The following C2orf78 variants were observed in gnomAD, a reference collection of about 807,000 sequenced individuals.
C2orf78 encodes the protein chromosome 2 open reading frame 78, also known as uncharacterized protein C2orf78.
Under a neutral mutation model 21.4 loss-of-function variants are expected in C2orf78, and 12 were observed. The ratio of observed to expected loss-of-function variants is 0.56; its 90% CI spans 0.36 to 0.91. The LOEUF (loss-of-function observed/expected upper bound fraction) is 0.91. Among genes scored for constraint, C2orf78 ranks in the 40% least tolerant of loss-of-function variants. The pLI is 0.01. For synonymous variants in C2orf78, 396 were observed against 413.9 expected (o/e 0.96, Z 0.52); for missense variants, 1,042 against 1,092.4 (o/e 0.95, Z 0.65).
chr2:73,817,070 A>G, exon 3 of C2orf78: 1 of 1,362,258 alleles, frequency 7.3e-7, no homozygotes, highest in Non-Finnish European at 9.7e-7. Flanking sequence ...ATTTATTCTG[A>G]TATATTTTTA....
intron 1 of C2orf78, among the ~76,000 whole-genome samples, chr2:73,809,132 A>G: frequency 6.6e-6 from 1 of 152,150 alleles, no homozygotes; most frequent in East Asian, 1.9e-4. Context: ...AGGATAATAG[A>G]CTGGTTATTC....
chr2:73,815,938 AG>A lies in C2orf78; in HGVS notation c.1716del (p.Thr573ProfsTer24), dbSNP rs750042373. Reference sequence around the variant, plus strand: ...AAAACTAAGAGCCATGGGCAGGAAAAGACCAAAGGGAACAGAAAGAACAGCT... The same window carrying A: ...AAAACTAAGAGCCATGGGCAGGAAAAACCAAAGGGAACAGAAAGAACAGCT... On this transcript the variant is annotated frameshift_variant, in exon 3 of 3. Transcript: ENST00000409561. LOFTEE classifies it low-confidence loss of function (END_TRUNC). 1 of 1,613,840 alleles carries A rather than the reference AG, an allele frequency of 6.2e-7. No homozygotes were observed. Among genetic ancestry groups the A allele is most frequent in the Non-Finnish European group, 8.5e-7 (1 of 1,179,814 alleles).
intron 1 of C2orf78, among the ~76,000 whole-genome samples, chr2:73,807,397 T>C (rs2103973077): frequency 4.4e-5 from 1 of 22,524 alleles, no homozygotes; most frequent in Admixed American, 4.5e-4. Context: ...GATTCTATAG[T>C]GGCTGTTTGC....
At chr2:73,812,547 T>G (rs1673110756) in intron 1 of C2orf78, among the ~76,000 whole-genome samples, 1 of 152,120 alleles carries the variant, frequency 6.6e-6, no homozygotes, top group African/African-American at 2.4e-5. Context: ...ACACCTGTAA[T>G]CCCAGCACTT....
chr2:73,785,799 C>G (rs1297819350), intron 1 of C2orf78, among the ~76,000 whole-genome samples: 1 of 152,000 alleles, frequency 6.6e-6, no homozygotes, highest in Admixed American at 6.6e-5. Context: ...GTAATCCCAG[C>G]ACTTTGGGAG....
exon 3 of C2orf78, chr2:73,816,954 G>C: frequency 1.2e-6 from 2 of 1,611,094 alleles, no homozygotes; most frequent in Non-Finnish European, 1.7e-6. Flanking sequence ...AAGGGAAAGA[G>C]ATATGGAAAT....
At chr2:73,812,068 TAC>T (rs1302029755) in intron 1 of C2orf78, among the ~76,000 whole-genome samples, 4 of 152,208 alleles carry the variant, frequency 2.6e-5, no homozygotes, top group Admixed American at 2.0e-4. Context: ...TTTTTGCTGA[TAC>T]AGTTTGTCTA....
At chr2:73,816,311 T>C (rs1673196191) in exon 3 of C2orf78, 3 of 1,613,756 alleles carry the variant, frequency 1.9e-6, no homozygotes, top group Non-Finnish European at 2.5e-6. Flanking sequence ...AACTAGATGG[T>C]AGTGCTGAAA....
At chr2:73,814,279 G>A in intron 2 of C2orf78, 53 bp downstream of exon 2, 2 of 1,504,256 alleles carry the variant, frequency 1.3e-6, no homozygotes, top group Non-Finnish European at 1.8e-6. Context: ...TGAAAAGGAG[G>A]GTCAAATCTG....
chr2:73,816,484 C>G, exon 3 of C2orf78: 1 of 1,613,984 alleles, frequency 6.2e-7, no homozygotes, highest in Middle Eastern at 1.6e-4. Flanking sequence ...CCTGCTCGAC[C>G]TGATTCTACT....
At chr2:73,815,696 C>T (rs1482111807) in exon 3 of C2orf78, 1 of 1,613,776 alleles carries the variant, frequency 6.2e-7, no homozygotes, top group Non-Finnish European at 8.5e-7. Flanking sequence ...AGTCATGTGT[C>T]ATAAAGGGTC....
exon 2 of C2orf78, chr2:73,813,763 G>A (rs376549484): frequency 6.2e-7 from 1 of 1,614,058 alleles, no homozygotes; most frequent in Non-Finnish European, 8.5e-7. Flanking sequence ...GCGTTTTTGA[G>A]TGGGATAGTA....
chr2:73,785,877 C>T (rs113465335), intron 1 of C2orf78, among the ~76,000 whole-genome samples: 1,876 of 151,728 alleles, frequency 0.012, 27 homozygotes, highest in East Asian at 0.044. Context: ...AGAAACCCCA[C>T]CTCTACTAAA....
exon 3 of C2orf78, chr2:73,816,057 C>A: frequency 6.2e-7 from 1 of 1,613,876 alleles, no homozygotes. Flanking sequence ...GAAAAATCAA[C>A]CTGAGCTTAG....
chr2:73,815,297 G>A (rs745978142), exon 3 of C2orf78: 47 of 1,613,874 alleles, frequency 2.9e-5, no homozygotes, highest in Non-Finnish European at 4.0e-5. Context: ...AAAAAAATGA[G>A]AATGAGAATT....
At chr2:73,810,252 C>T (rs1230481965) in intron 1 of C2orf78, among the ~76,000 whole-genome samples, 7 of 151,918 alleles carry the variant, frequency 4.6e-5, no homozygotes, top group South Asian at 2.1e-4. Context: ...CTTTAGAGGC[C>T]GGGCAGGATG....
At chr2:73,797,918 G>A (rs1211273980) in intron 1 of C2orf78, among the ~76,000 whole-genome samples, 2 of 28,128 alleles carry the variant, frequency 7.1e-5, no homozygotes, top group African/African-American at 1.6e-4. Flanking sequence ...GAATATTCAC[G>A]AATGTAAAAA....
In C2orf78 at chr2:73,784,692, C is replaced by T. The variant is rs866558433; in HGVS notation, c.97+286C>T. On this transcript the variant is annotated intron_variant, in intron 1 of 2. Coordinates refer to ENST00000409561, the Ensembl canonical transcript of C2orf78. ...CTAATACTGAGTCTTAAAGGGTATA[C>T]GTATAGAAAATGAAATCAGAGACTT... 3.2e-3 allele frequency among the ~76,000 whole-genome samples: 475 copies of T among 150,168 alleles called. 2 individuals are homozygous for T. Among genetic ancestry groups the T allele is most frequent in the South Asian group, 0.015 (72 of 4,790 alleles).
exon 3 of C2orf78, chr2:73,816,815 G>A: frequency 6.2e-7 from 1 of 1,614,014 alleles, no homozygotes; most frequent in Non-Finnish European, 8.5e-7. Context: ...CTGTTCCTGA[G>A]CCAGTAATGT....
Sources: allele counts gnomAD v4.1 joint callset (sites outside exome capture counted in the v4.1 genomes callset), GRCh38; gene constraint gnomAD v4.1.1; transcripts MANE v1.5; gene names NCBI Gene and HGNC (gene_info 2026-07-23, HGNC 2026-07-21).